LHX8: variants seen among roughly 807,000 people sequenced by gnomAD.
LHX8 encodes LIM/homeobox protein Lhx8.
Under a neutral mutation model 40.3 loss-of-function variants are expected in LHX8, and 12 were observed. That is an observed-to-expected ratio of 0.30 (90% CI 0.19 to 0.48). The LOEUF (loss-of-function observed/expected upper bound fraction) is 0.48. Ranked by LOEUF, LHX8 falls within the 20% of genes least tolerant of loss-of-function variation. LHX8 has a pLI of 0.99. For synonymous variants in LHX8, 179 were observed against 162.0 expected, an observed-to-expected ratio of 1.10 and a Z score of -0.80; for missense variants, 344 against 433.7, an observed-to-expected ratio of 0.79 and a Z score of 1.84.
At position 75,134,503 on chromosome 1, in the gene LHX8, T is replaced by A. The variant is rs1264225178; in HGVS notation, c.-464T>A. On this transcript the variant is annotated 5_prime_UTR_variant, in exon 1 of 9. Transcript: ENST00000356261. ...GGACGAAGACACACTTGTAGCATTA[T>A]CCTTCTCGGCATCAGCTTTTATTAG... 1.3e-5 allele frequency among the ~76,000 whole-genome samples: 2 copies of A among 150,794 alleles called. No individual in the cohort carries two copies. The highest frequency in any genetic ancestry group is 6.6e-5 in the Admixed American group (1 of 15,154).
chr1:75,158,925 C>G (rs1028186635), intron 8 of LHX8, among the ~76,000 whole-genome samples: 1 of 152,082 alleles, frequency 6.6e-6, no homozygotes, highest in African/African-American at 2.4e-5. Context: ...ATATATTGAT[C>G]AGTTTTAGGA....
At chr1:75,136,514 G>C in intron 1 of LHX8, 89 bp from the exon 2 acceptor site, 2 of 1,013,742 alleles carry the variant, frequency 2.0e-6, no homozygotes, top group Non-Finnish European at 3.0e-6. Context: ...GCCTTCATTA[G>C]CTCGCTCCCC....
intron 7 of LHX8, among the ~76,000 whole-genome samples, chr1:75,151,866 A>G (rs1047819642): frequency 2.0e-5 from 3 of 152,234 alleles, no homozygotes; most frequent in Non-Finnish European, 2.9e-5. Flanking sequence ...TCTGTCATGT[A>G]ATTTCCAGGC....
At chr1:75,148,848 G>C (rs367905126) in intron 7 of LHX8, among the ~76,000 whole-genome samples, 166 bp downstream of exon 7, 8 of 152,056 alleles carry the variant, frequency 5.3e-5, no homozygotes, top group African/African-American at 1.4e-4. Flanking sequence ...GGCCACAGGT[G>C]ATTAACTTAA....
At chr1:75,176,024 G>A in the LHX8 span, among the ~76,000 whole-genome samples, 1 of 152,204 alleles carries the variant, frequency 6.6e-6, no homozygotes, top group Non-Finnish European at 1.5e-5. Context: ...TGGCTGCATA[G>A]TATTCCATGG....
intron 7 of LHX8, among the ~76,000 whole-genome samples, chr1:75,154,903 T>C (rs1648712836): frequency 1.3e-5 from 2 of 152,254 alleles, no homozygotes. Flanking sequence ...TTAGTTTTAA[T>C]CACTCTTGAG....
intron 3 of LHX8, among the ~76,000 whole-genome samples, chr1:75,140,298 A>G (rs747522123): frequency 6.6e-6 from 1 of 152,158 alleles, no homozygotes; most frequent in Non-Finnish European, 1.5e-5. Flanking sequence ...TTTTAGAACC[A>G]CTTATGATTA....
chr1:75,181,218 G>T, the LHX8 span, among the ~76,000 whole-genome samples: 1 of 152,316 alleles, frequency 6.6e-6, no homozygotes, highest in African/African-American at 2.4e-5. Flanking sequence ...CAAATACCAT[G>T]CTGGGAGAAC....
chr1:75,160,713 G>A (rs1648894050), intron 8 of LHX8, 106 bp from the exon 9 acceptor site: 1 of 796,060 alleles, frequency 1.3e-6, no homozygotes, highest in Non-Finnish European at 2.3e-6. Flanking sequence ...GGTGCCCTCA[G>A]CTATAATGAG....
the LHX8 span, among the ~76,000 whole-genome samples, chr1:75,171,497 A>G: frequency 6.6e-6 from 1 of 152,078 alleles, no homozygotes; most frequent in Non-Finnish European, 1.5e-5. Context: ...TGCTTCTTCC[A>G]AAATGGGAAG....
In LHX8 at chr1:75,158,558, T is replaced by C. The variant is rs958909419; in HGVS notation, c.964+1482T>C. ...GATTTACAATTCATTTGGAACTGAA[T>C]TTTGTGTGTGGTGTGAGGTAGAAAG... On this transcript the variant is annotated intron_variant, in intron 8 of 8. Coordinates refer to ENST00000356261, the MANE Select transcript of LHX8 (RefSeq NM_001256114.2). 2.0e-5 allele frequency among the ~76,000 whole-genome samples: 3 copies of C among 151,688 alleles called. No individual in the cohort carries two copies. The East Asian group carries it at 5.8e-4, about 29-fold the overall frequency.
chr1:75,173,374 CTTTTTTTTTTTTTT>C, the LHX8 span, among the ~76,000 whole-genome samples: 4 of 96,464 alleles, frequency 4.1e-5, no homozygotes, highest in East Asian at 2.9e-4. Context: ...GATATATACT[CTTTTTTTTTTTTTT>C]TTTTTTTTTT....
At chr1:75,148,758 A>T in intron 7 of LHX8, 76 bp downstream of exon 7, 2 of 995,912 alleles carry the variant, frequency 2.0e-6, no homozygotes, top group Admixed American at 2.0e-5. Context: ...GCCCAGACTG[A>T]TCTTGAACTC....
chr1:75,172,731 T>A, the LHX8 span, among the ~76,000 whole-genome samples: 1 of 152,204 alleles, frequency 6.6e-6, no homozygotes, highest in African/African-American at 2.4e-5. Context: ...TCTTTGGAGA[T>A]CATCTTATCC....
chr1:75,157,339 TTTTG>T (rs975200112), intron 8 of LHX8, among the ~76,000 whole-genome samples: 6 of 152,202 alleles, frequency 3.9e-5, no homozygotes, highest in African/African-American at 1.4e-4. Flanking sequence ...CTTAGAAATT[TTTTG>T]TTTGTTTTTA....
intron 7 of LHX8, among the ~76,000 whole-genome samples, chr1:75,155,198 A>T (rs1031810517): frequency 6.6e-6 from 1 of 150,464 alleles, no homozygotes; most frequent in Non-Finnish European, 1.5e-5. Context: ...ATGGAAAAAA[A>T]GTGATACAGT....
At chr1:75,198,812 G>A in the LHX8 span, among the ~76,000 whole-genome samples, 1 of 152,106 alleles carries the variant, frequency 6.6e-6, no homozygotes, top group African/African-American at 2.4e-5. Context: ...TTGTAAGCCA[G>A]GGAAAATGAG....
chr1:75,178,342 A>C, the LHX8 span, among the ~76,000 whole-genome samples: 1 of 151,946 alleles, frequency 6.6e-6, no homozygotes, highest in South Asian at 2.1e-4. Flanking sequence ...TATTGCTTCA[A>C]TTTCAGAGCC....
Position 75,134,965 on chromosome 1 carries a change from C to T in LHX8, c.-13+11C>T. On this transcript the variant is annotated intron_variant, in intron 1 of 8. Transcript: ENST00000356261. ...CGCTCTCAGGTCCATGTGAGTCGTG[C>T]TTTTGTTCTATTTGCTGTGGTGATC... The T allele has an allele frequency of 1.0e-6, 1 of 983,764 alleles. No homozygotes were observed. The highest frequency in any genetic ancestry group is 1.2e-6 in the Non-Finnish European group (1 of 828,504). The allele number at this position is 983,764 out of a possible 1,614,324, so 60.9% of individuals were successfully genotyped here.
Sources: allele counts gnomAD v4.1 joint callset (sites outside exome capture counted in the v4.1 genomes callset), GRCh38; gene constraint gnomAD v4.1.1; transcripts MANE v1.5; gene names NCBI Gene and HGNC (gene_info 2026-07-23, HGNC 2026-07-21).